The following LPP variants were observed in gnomAD, a reference collection of about 807,000 sequenced individuals.
LPP encodes lipoma-preferred partner.
LPP carries 38 observed loss-of-function variants against 60.4 expected under a neutral mutation model. The observed-to-expected ratio is 0.63, with a 90% CI of 0.49 to 0.83. LPP has a LOEUF of 0.83. LPP is among the 40% of genes least tolerant of loss of function. The pLI is 0.00. For synonymous variants in LPP, 328 were observed against 290.8 expected, an observed-to-expected ratio of 1.13 and a Z score of -1.30; for missense variants, 902 against 783.6, an observed-to-expected ratio of 1.15 and a Z score of -1.80.
chr3:188,237,942 A>G (rs938691654), intron 2 of LPP, among the ~76,000 whole-genome samples: 3 of 152,236 alleles, frequency 2.0e-5, no homozygotes, highest in Non-Finnish European at 2.9e-5. Context: ...TCTACTTCTG[A>G]AAGTCCTGGA....
At position 188,498,500 on chromosome 3, in the gene LPP, T is replaced by G. The variant is rs559322025; in HGVS notation, c.306+13796T>G. Among the ~76,000 whole-genome samples the G allele has an allele frequency of 9.8e-5, 15 of 152,340 alleles. No homozygotes were observed. The East Asian group carries it at 2.9e-3, about 29-fold the overall frequency. ...CTTAACATAATGTCCTCAAAGTTTA[T>G]CCATGTTGTAGCATATGTCATGCTA... On this transcript the variant is annotated intron_variant, in intron 5 of 11. Transcript: ENST00000617246.
chr3:188,384,433 C>A (rs983101122), intron 3 of LPP, among the ~76,000 whole-genome samples: 1 of 151,600 alleles, frequency 6.6e-6, no homozygotes, highest in Non-Finnish European at 1.5e-5. Flanking sequence ...GATGGGCAAC[C>A]CTGATGATCC....
intron 9 of LPP, among the ~76,000 whole-genome samples, chr3:188,857,971 G>A (rs141085741): frequency 5.9e-5 from 9 of 152,272 alleles, no homozygotes; most frequent in African/African-American, 2.2e-4. Context: ...TCAGGACTGG[G>A]TTCTCGCTTT....
intron 1 of LPP, among the ~76,000 whole-genome samples, chr3:188,206,719 T>C (rs899172645): frequency 5.3e-5 from 8 of 152,214 alleles, no homozygotes; most frequent in African/African-American, 1.9e-4. Flanking sequence ...GAGTACAGTC[T>C]AGAATTGCAA....
chr3:188,828,567 A>T (rs1756226912), intron 9 of LPP, among the ~76,000 whole-genome samples: 1 of 136,420 alleles, frequency 7.3e-6, no homozygotes, highest in African/African-American at 2.7e-5. Context: ...GAGAGCAGAG[A>T]TCACGCCATT....
At chr3:188,402,511 C>T (rs532885777) in intron 3 of LPP, among the ~76,000 whole-genome samples, 1 of 152,170 alleles carries the variant, frequency 6.6e-6, no homozygotes, top group South Asian at 2.1e-4. Context: ...GATTTTATTC[C>T]ACAAATGCCA....
At chr3:188,601,859 A>G (rs1374616533) in intron 6 of LPP, among the ~76,000 whole-genome samples, 1 of 151,996 alleles carries the variant, frequency 6.6e-6, no homozygotes, top group Non-Finnish European at 1.5e-5. Context: ...ACTTGAGGTC[A>G]GGAGTTCCAG....
Position 188,440,949 on chromosome 3 carries a change from A to ATGTGTGTGTGTGTG in LPP, c.193+34645_193+34658dup, listed in dbSNP as rs10680234. Among the ~76,000 whole-genome samples the ATGTGTGTGTGTGTG allele has an allele frequency of 1.5e-3, 217 of 146,946 alleles. 1 individual carries two copies. The highest frequency in any genetic ancestry group is 2.4e-3 in the Non-Finnish European group (164 of 66,962). On this transcript the variant is annotated intron_variant, in intron 4 of 11. Transcript: ENST00000617246. Reference sequence around the variant, plus strand: ...TCCAGTGTACTCTCTCTCCCTTAATATGTGTGTGTGTGTGTGTGTGTGCGC... The same window carrying ATGTGTGTGTGTGTG: ...TCCAGTGTACTCTCTCTCCCTTAATATGTGTGTGTGTGTGTGTGTGTGTGTGTGTGTGTGTGCGC...
chr3:188,809,256 C>T (rs1055949958), intron 9 of LPP, among the ~76,000 whole-genome samples: 1 of 152,104 alleles, frequency 6.6e-6, no homozygotes, highest in Non-Finnish European at 1.5e-5. Context: ...GAGGAATCAC[C>T]ACACTGTCTT....
At chr3:188,251,079 T>TTCTCTCTCTCTTTC (rs200280307) in intron 2 of LPP, among the ~76,000 whole-genome samples, 72 of 135,018 alleles carry the variant, frequency 5.3e-4, no homozygotes, top group Middle Eastern at 3.8e-3. Flanking sequence ...TTTTCTTTCT[T>TTCTCTCTCTCTTTC]TCTCTCTCTC....
intron 8 of LPP, among the ~76,000 whole-genome samples, chr3:188,754,346 A>G (rs1729440309): frequency 6.6e-6 from 1 of 152,230 alleles, no homozygotes; most frequent in African/African-American, 2.4e-5. Flanking sequence ...AAATATAAAG[A>G]TAGCATTAGG....
intron 4 of LPP, among the ~76,000 whole-genome samples, chr3:188,458,198 A>G (rs912195663): frequency 1.3e-5 from 2 of 152,172 alleles, no homozygotes; most frequent in Non-Finnish European, 2.9e-5. Context: ...TGAAGAGATA[A>G]TTGAAGGAGA....
intron 7 of LPP, among the ~76,000 whole-genome samples, chr3:188,629,965 T>C (rs968095998): frequency 3.9e-5 from 6 of 151,938 alleles, no homozygotes; most frequent in African/African-American, 1.4e-4. Context: ...ATTTGTCAAC[T>C]CAAGATGGAT....
chr3:188,466,364 T>C (rs1800376492), intron 4 of LPP, among the ~76,000 whole-genome samples: 2 of 152,244 alleles, frequency 1.3e-5, no homozygotes, highest in Admixed American at 6.5e-5. Flanking sequence ...GCTATACCTA[T>C]TAAAGGAAGC....
At chr3:188,348,800 G>C (rs1167994287) in intron 3 of LPP, among the ~76,000 whole-genome samples, 2 of 152,094 alleles carry the variant, frequency 1.3e-5, no homozygotes, top group Non-Finnish European at 2.9e-5. Context: ...CCTATTTCAA[G>C]GCTATTGCTG....
intron 9 of LPP, among the ~76,000 whole-genome samples, chr3:188,812,907 T>A (rs1369142656): frequency 6.6e-6 from 1 of 152,114 alleles, no homozygotes; most frequent in Non-Finnish European, 1.5e-5. Context: ...CTTTTTTTTT[T>A]ATCCTTTAGC....
intron 4 of LPP, among the ~76,000 whole-genome samples, chr3:188,412,522 T>C (rs1785155845): frequency 6.6e-6 from 1 of 152,120 alleles, no homozygotes; most frequent in African/African-American, 2.4e-5. Context: ...GATTTGTAAG[T>C]AGTAGAAGTG....
intron 6 of LPP, among the ~76,000 whole-genome samples, chr3:188,603,350 G>GTTTTTTTTT (rs11308827): frequency 6.8e-6 from 1 of 148,038 alleles, no homozygotes. Flanking sequence ...GAATTTTGTG[G>GTTTTTTTTT]TTTTTTTTTT....
At chr3:188,365,513 A>G (rs1401252634) in intron 3 of LPP, among the ~76,000 whole-genome samples, 1 of 152,168 alleles carries the variant, frequency 6.6e-6, no homozygotes, top group Non-Finnish European at 1.5e-5. Context: ...TGACTGTAGA[A>G]TCATGAGACT....
Sources: gnomAD v4.1 joint callset for allele counts (sites outside exome capture counted in the v4.1 genomes callset) on GRCh38, gnomAD v4.1.1 for gene constraint, MANE v1.5 for transcripts, NCBI Gene and HGNC (gene_info 2026-07-23, HGNC 2026-07-21) for gene names.